Variants in RGS3 observed in about 807,000 individuals in gnomAD.
RGS3 encodes regulator of G-protein signalling 3.
A neutral mutation model predicts 132.6 loss-of-function variants in RGS3; 80 were observed. The ratio of observed to expected loss-of-function variants is 0.60; its 90% CI spans 0.50 to 0.73. The LOEUF is 0.73. Among genes scored for constraint, RGS3 ranks in the 30% least tolerant of loss-of-function variants. The pLI, the probability that RGS3 is intolerant of heterozygous loss-of-function variation, is 0.00. For missense variants in RGS3, 1,382 were observed against 1,530.8 expected (o/e 0.90, Z 1.62); for synonymous variants, 598 against 620.6 (o/e 0.96, Z 0.54).
chr9:113,536,620 C>T (rs7032311), intron 18 of RGS3, 176 bp from the exon 17 acceptor site: 134,397 of 1,449,432 alleles, frequency 0.093, 6,988 homozygotes, highest in African/African-American at 0.16. Flanking sequence ...CACTTCCCTG[C>T]GCCTCTGGCT....
At chr9:113,560,700 A>G (rs111647881) in intron 19 of RGS3, among the ~76,000 whole-genome samples, 5,990 of 152,340 alleles carry the variant, frequency 0.039, 163 homozygotes, top group South Asian at 0.1. Context: ...TAGACTCCCA[A>G]ACCAGGGCTG....
chr9:113,469,422 C>G (rs1304713231), intron 3 of RGS3, among the ~76,000 whole-genome samples: 1 of 152,154 alleles, frequency 6.6e-6, no homozygotes, highest in Non-Finnish European at 1.5e-5. Flanking sequence ...ATTCAGAGTC[C>G]AACTGCTCAG....
In RGS3 at chr9:113,567,001, A is replaced by G. The variant is rs1227159862; in HGVS notation, c.2038-16449A>G. On this transcript the variant is annotated intron_variant, in intron 19 of 24. Transcript: ENST00000350696. ...GCCCTTCAGGGAGCCGAGTTCCACA[A>G]CAGGGCTCACTGCAAGCCCAGACTG... 2.0e-5 allele frequency among the ~76,000 whole-genome samples: 3 copies of G among 152,238 alleles called. No individual in the cohort carries two copies. The East Asian group carries it at 5.8e-4, about 29-fold the overall frequency.
chr9:113,510,332 A>C (rs1173937182), intron 14 of RGS3, among the ~76,000 whole-genome samples: 1 of 152,238 alleles, frequency 6.6e-6, no homozygotes, highest in Non-Finnish European at 1.5e-5. Context: ...TTTGGTTGGC[A>C]CATTAGGTTA....
At chr9:113,576,626 A>G (rs1436278555) in intron 19 of RGS3, among the ~76,000 whole-genome samples, 1 of 152,024 alleles carries the variant, frequency 6.6e-6, no homozygotes, top group African/African-American at 2.4e-5. Context: ...CACCGCACCC[A>G]GCGATTGTTC....
intron 10 of RGS3, chr9:113,501,747 C>A (rs1325323512): frequency 1.4e-5 from 15 of 1,101,800 alleles, no homozygotes; most frequent in South Asian, 6.7e-5. Context: ...CTGCTCCCTG[C>A]AGGCTCACTT....
At chr9:113,570,628 T>G (rs1834241877) in intron 19 of RGS3, among the ~76,000 whole-genome samples, 1 of 152,062 alleles carries the variant, frequency 6.6e-6, no homozygotes, top group South Asian at 2.1e-4. Flanking sequence ...TTAGTTACTA[T>G]GACCTCAAAG....
intron 14 of RGS3, among the ~76,000 whole-genome samples, chr9:113,512,074 A>G (rs1464463103): frequency 6.6e-6 from 1 of 152,186 alleles, no homozygotes; most frequent in South Asian, 2.1e-4. Flanking sequence ...GCCCTGGGGC[A>G]AGCGAGGCAG....
chr9:113,505,570 T>C (rs2119319987), intron 11 of RGS3, 47 bp downstream of exon 9: 1 of 1,452,996 alleles, frequency 6.9e-7, no homozygotes, highest in East Asian at 2.3e-5. Flanking sequence ...CCACCACACA[T>C]GTGGGCTTTG....
intron 19 of RGS3, among the ~76,000 whole-genome samples, chr9:113,576,091 T>C (rs1048913121): frequency 3.3e-5 from 5 of 151,820 alleles, no homozygotes; most frequent in Non-Finnish European, 7.4e-5. Context: ...TCCCAGCTAC[T>C]TGGGGGGCTG....
In RGS3 at chr9:113,463,723, C is replaced by A; in HGVS notation, c.415+1522C>A. 1 of 1,501,638 alleles carries A rather than the reference C, an allele frequency of 6.7e-7. No individual in the cohort carries two copies. The highest frequency in any genetic ancestry group is 1.3e-5 in the South Asian group (1 of 75,470). The allele number at this position is 1,501,638 out of a possible 1,614,324, so 93.0% of individuals were successfully genotyped here. ...CTACCTCCCGCTCGCGCTCCTCCCGCCCTGGAGACTCCGGTTACTGGGGAG... is the reference window on the plus strand; with the variant it reads ...CTACCTCCCGCTCGCGCTCCTCCCGACCTGGAGACTCCGGTTACTGGGGAG... On this transcript the variant is annotated intron_variant, in intron 3 of 24. Coordinates refer to ENST00000350696, the Ensembl canonical transcript of RGS3. The surrounding 1 kb of genome is among the most constrained non-coding windows in gnomAD (Gnocchi z 4.6).
At chr9:113,508,216 G>A (rs1350026571) in intron 13 of RGS3, among the ~76,000 whole-genome samples, 1 of 152,156 alleles carries the variant, frequency 6.6e-6, no homozygotes, top group Non-Finnish European at 1.5e-5. Flanking sequence ...GCCTAATGGG[G>A]GCACACTTTA....
chr9:113,594,864 C>G lies in RGS3; in HGVS notation c.3183-55C>G, dbSNP rs565276618. On this transcript the variant is annotated intron_variant, in intron 22 of 24. Coordinates refer to ENST00000350696, the Ensembl canonical transcript of RGS3. ...CAAAGGCCGCCTGGCCCAGCTTCCC[C>G]CAAGGTTCCCAAGCCTCTCAGTGCC... is the stretch of plus-strand genomic sequence containing the variant. The G allele has an allele frequency of 4.5e-6, 7 of 1,561,570 alleles. No individual in the cohort carries two copies. The South Asian group carries it at 7.8e-5, about 17-fold the overall frequency.
At chr9:113,465,298 T>A (rs983567549) in intron 3 of RGS3, among the ~76,000 whole-genome samples, 9 of 152,194 alleles carry the variant, frequency 5.9e-5, no homozygotes, top group Non-Finnish European at 1.0e-4. Flanking sequence ...TTTTTCCTCC[T>A]TATTATCATG....
chr9:113,495,956 C>G (rs1830669646), intron 8 of RGS3, 110 bp downstream of exon 6: 8 of 946,904 alleles, frequency 8.4e-6, no homozygotes, highest in African/African-American at 1.6e-5. Flanking sequence ...GAGATGGTGC[C>G]CCACTGAGAC....
intron 19 of RGS3, among the ~76,000 whole-genome samples, chr9:113,550,917 G>C (rs1373361505): frequency 2.6e-5 from 4 of 152,048 alleles, no homozygotes; most frequent in African/African-American, 4.8e-5. Flanking sequence ...AACTACAGAT[G>C]TTTCTGACTT....
chr9:113,509,000 C>T (rs1831276808), intron 14 of RGS3, among the ~76,000 whole-genome samples: 1 of 152,072 alleles, frequency 6.6e-6, no homozygotes, highest in Admixed American at 6.6e-5. Flanking sequence ...AATCATGTCT[C>T]CTTGGTCGGG....
intron 24 of RGS3, 80 bp from the exon 23 acceptor site, chr9:113,596,688 A>T: frequency 7.9e-7 from 1 of 1,263,610 alleles, no homozygotes; most frequent in Non-Finnish European, 1.1e-6. Context: ...GAGAGGCTGG[A>T]TGGGTCCCTT....
intron 14 of RGS3, among the ~76,000 whole-genome samples, chr9:113,512,040 G>A (rs1564509621): frequency 6.6e-6 from 1 of 152,094 alleles, no homozygotes; most frequent in African/African-American, 2.4e-5. Context: ...TTTCCATCAG[G>A]TCTCTTGTGT....
Sources: allele counts gnomAD v4.1 joint callset (sites outside exome capture counted in the v4.1 genomes callset), GRCh38; gene constraint gnomAD v4.1.1; non-coding constraint Gnocchi (gnomAD v3.1); transcripts MANE v1.5; gene names NCBI Gene and HGNC (gene_info 2026-07-23, HGNC 2026-07-21).